Variants in NPLOC4 observed in about 807,000 individuals in gnomAD.
NPLOC4 encodes NPL4 homolog, ubiquitin recognition factor.
NPLOC4 carries 18 observed loss-of-function variants against 80.6 expected under a neutral mutation model. The ratio of observed to expected loss-of-function variants is 0.22; its 90% CI spans 0.15 to 0.33. The LOEUF is 0.33. Among genes scored for constraint, NPLOC4 ranks in the 10% least tolerant of loss-of-function variants. The pLI is 1.00. For missense variants in NPLOC4, 540 were observed against 786.1 expected (o/e 0.69, Z 3.74); for synonymous variants, 313 against 301.5 (o/e 1.04, Z -0.39).
chr17:81,598,741 C>G (rs758177771), intron 9 of NPLOC4, among the ~76,000 whole-genome samples: 1 of 152,242 alleles, frequency 6.6e-6, no homozygotes, highest in East Asian at 1.9e-4. Flanking sequence ...AGTTGAGTCC[C>G]GGCAATTGTC....
intron 3 of NPLOC4, among the ~76,000 whole-genome samples, chr17:81,617,355 G>T (rs2035524874): frequency 6.6e-6 from 1 of 152,174 alleles, no homozygotes; most frequent in Non-Finnish European, 1.5e-5. Flanking sequence ...TCACAACAGT[G>T]TGGACAAAGA....
At chr17:81,596,005 C>A in intron 11 of NPLOC4, 111 bp downstream of exon 11, 3 of 1,050,796 alleles carry the variant, frequency 2.9e-6, no homozygotes, top group Non-Finnish European at 2.8e-6. Context: ...TCCCACAAGC[C>A]CAGTAAGAAA....
At chr17:81,587,630 T>TAAAAAA (rs57639613) in intron 12 of NPLOC4, among the ~76,000 whole-genome samples, 20 of 102,166 alleles carry the variant, frequency 2.0e-4, no homozygotes, top group African/African-American at 5.4e-4. Flanking sequence ...CCTGTCTCTT[T>TAAAAAA]AAAAAAAAAA....
intron 12 of NPLOC4, among the ~76,000 whole-genome samples, chr17:81,578,945 G>A (rs1387132417): frequency 2.0e-5 from 3 of 152,164 alleles, no homozygotes; most frequent in African/African-American, 7.2e-5. Flanking sequence ...TTTAGAGACA[G>A]GGTCTCACTA....
At position 81,590,093 on chromosome 17, in the gene NPLOC4, T is replaced by C. The variant is rs141813295; in HGVS notation, c.1121-989A>G. On this transcript the variant is annotated intron_variant, in intron 11 of 16. Transcript: ENST00000331134. ...ATACAAATCCAGTCATGGTATTGTA[T>C]ACACAGCAGCCTCTGTCTTCCAGAA... 5.5e-3 allele frequency among the ~76,000 whole-genome samples: 837 copies of C among 152,316 alleles called. 9 individuals carry two copies. Among genetic ancestry groups the C allele is most frequent in the African/African-American group, 0.019 (785 of 41,558 alleles).
At chr17:81,613,152 A>C in intron 4 of NPLOC4, 166 bp downstream of exon 4, 1 of 566,360 alleles carries the variant, frequency 1.8e-6, no homozygotes, top group Non-Finnish European at 2.8e-6. Context: ...AAAACCGATA[A>C]AAAGCTAACA....
intron 2 of NPLOC4, among the ~76,000 whole-genome samples, chr17:81,628,654 C>T (rs868750109): frequency 1.3e-5 from 2 of 152,052 alleles, no homozygotes; most frequent in Non-Finnish European, 2.9e-5. Flanking sequence ...AGAAACAACA[C>T]CAGACAGAAA....
intron 8 of NPLOC4, among the ~76,000 whole-genome samples, chr17:81,603,595 T>C (rs1032071062): frequency 3.3e-5 from 5 of 152,122 alleles, no homozygotes; most frequent in African/African-American, 1.2e-4. Context: ...GACTCATCTC[T>C]AAAAAATAAA....
At chr17:81,630,030 T>C (rs926972587) in intron 1 of NPLOC4, among the ~76,000 whole-genome samples, 3 of 152,134 alleles carry the variant, frequency 2.0e-5, no homozygotes, top group Non-Finnish European at 2.9e-5. Context: ...CTCTCAACTC[T>C]TAGTTTCACT....
chr17:81,615,305 G>A (rs1025340953), intron 3 of NPLOC4, among the ~76,000 whole-genome samples: 9 of 151,746 alleles, frequency 5.9e-5, no homozygotes, highest in Non-Finnish European at 1.0e-4. Flanking sequence ...TCTCCATGTT[G>A]GACAGGCTGG....
intron 4 of NPLOC4, chr17:81,612,970 C>T (rs1329202784): frequency 1.6e-5 from 3 of 182,318 alleles, no homozygotes; most frequent in Non-Finnish European, 3.4e-5. Flanking sequence ...CTGATTAACA[C>T]CCCACTCTGC....
intron 11 of NPLOC4, among the ~76,000 whole-genome samples, chr17:81,591,039 A>C (rs973666434): frequency 1.3e-5 from 2 of 152,216 alleles, no homozygotes; most frequent in African/African-American, 4.8e-5. Context: ...GCTTGGTGGC[A>C]TAAATGACAC....
chr17:81,565,171 C>T (rs1367849053), intron 16 of NPLOC4: 4 of 604,920 alleles, frequency 6.6e-6, no homozygotes, highest in African/African-American at 3.7e-5. Flanking sequence ...ACGCTTCCGG[C>T]GCTTCCATAA....
Position 81,600,515 on chromosome 17 carries a change from A to C in NPLOC4, c.835-88T>G, listed in dbSNP as rs1399834622. The C allele has an allele frequency of 3.0e-6, 3 of 984,068 alleles. No individual in the cohort carries two copies. In the South Asian group the frequency reaches 4.1e-5, roughly 13 times the overall value. 61.0% of individuals were successfully genotyped at this position (984,068 alleles called of 1,614,324 possible). Reference sequence around the variant, plus strand: ...GCCCTTCCACTTCCAGCTCTAGGTCACAAGGAGTGCTGGGGGCCTCCTTGT... The same window carrying C: ...GCCCTTCCACTTCCAGCTCTAGGTCCCAAGGAGTGCTGGGGGCCTCCTTGT... On this transcript the variant is annotated intron_variant, in intron 8 of 16. Coordinates refer to ENST00000331134, the MANE Select transcript of NPLOC4 (RefSeq NM_017921.4).
intron 16 of NPLOC4, 86 bp from the exon 17 acceptor site, chr17:81,559,502 G>A: frequency 7.0e-7 from 1 of 1,430,242 alleles, no homozygotes; most frequent in Non-Finnish European, 9.4e-7. Context: ...GGGGCAGGCA[G>A]CTGAGAGCTC....
intron 6 of NPLOC4, among the ~76,000 whole-genome samples, chr17:81,608,188 G>C (rs1247206739): frequency 6.6e-6 from 1 of 152,244 alleles, no homozygotes; most frequent in Non-Finnish European, 1.5e-5. Context: ...TCAGAGGCCA[G>C]GCTCTGGGGA....
Position 81,558,243 on chromosome 17 carries a change from AG to A in NPLOC4, c.*1015del, listed in dbSNP as rs2033710890. 6.6e-6 allele frequency: 1 copy of A among 152,324 alleles called. No homozygotes were observed. Among genetic ancestry groups the A allele is most frequent in the Non-Finnish European group, 1.5e-5 (1 of 68,102 alleles). 9.4% of individuals were successfully genotyped at this position (152,324 alleles called of 1,614,324 possible). ...CCCAAATGGCCCTCACAAGAGGCACAGCCCCTAACGCCCTCAGCCAGGCGGT... is the reference window on the plus strand; with the variant it reads ...CCCAAATGGCCCTCACAAGAGGCACACCCCTAACGCCCTCAGCCAGGCGGT... On this transcript the variant is annotated 3_prime_UTR_variant, in exon 17 of 17. Transcript: ENST00000331134.
At chr17:81,631,288 T>C (rs1486949888) in intron 1 of NPLOC4, among the ~76,000 whole-genome samples, 1 of 151,790 alleles carries the variant, frequency 6.6e-6, no homozygotes, top group African/African-American at 2.4e-5. Context: ...CTCACACCTA[T>C]AATCTGTGCA....
At chr17:81,629,092 A>T (rs1370718814) in intron 2 of NPLOC4, among the ~76,000 whole-genome samples, 3 of 151,204 alleles carry the variant, frequency 2.0e-5, no homozygotes, top group Non-Finnish European at 4.4e-5. Context: ...GTTAGCCAGG[A>T]TGGTCTCAAT....
Sources: allele counts gnomAD v4.1 joint callset (sites outside exome capture counted in the v4.1 genomes callset), GRCh38; gene constraint gnomAD v4.1.1; transcripts MANE v1.5; gene names NCBI Gene and HGNC (gene_info 2026-07-23, HGNC 2026-07-21).